The following CDK13 variants were observed in gnomAD, a reference collection of about 807,000 sequenced individuals.
CDK13 encodes cyclin-dependent kinase 13.
A neutral mutation model predicts 137.6 loss-of-function variants in CDK13; 40 were observed. That is an observed-to-expected ratio of 0.29 (90% CI 0.23 to 0.38). The LOEUF (loss-of-function observed/expected upper bound fraction) is 0.38. Ranked by LOEUF, CDK13 falls within the 10% of genes least tolerant of loss-of-function variation. The probability of loss-of-function intolerance (pLI) is 1.00; values close to 1 mark genes in which losing one functional copy is unlikely to be tolerated. For synonymous variants in CDK13, 869 were observed against 760.1 expected, an observed-to-expected ratio of 1.14 and a Z score of -2.36; for missense variants, 1,704 against 1,951.8, an observed-to-expected ratio of 0.87 and a Z score of 2.39.
rs1308923223 is a variant in CDK13, at chr7:40,097,659, AAAG to A, written c.*2685_*2687del. On this transcript the variant is annotated 3_prime_UTR_variant, in exon 14 of 14. Transcript: ENST00000181839. ...AAAATATAAAAGATTTGACCTGCCAAAAGAAGAAAGTATTTATCTTCTCCCACG... is the reference window on the plus strand; with the variant it reads ...AAAATATAAAAGATTTGACCTGCCAAAAGAAAGTATTTATCTTCTCCCACG... The A allele has an allele frequency of 2.0e-5, 3 of 152,158 alleles. No homozygotes were observed. The highest frequency in any genetic ancestry group is 4.4e-5 in the Non-Finnish European group (3 of 67,986). The allele number at this position is 152,158 out of a possible 1,614,324, so 9.4% of individuals were successfully genotyped here.
At chr7:40,080,658 C>A (rs528105940) in intron 11 of CDK13, among the ~76,000 whole-genome samples, 1 of 152,158 alleles carries the variant, frequency 6.6e-6, no homozygotes, top group South Asian at 2.1e-4. Context: ...GGGCTCAGTA[C>A]CCCTTCAAAT....
In CDK13 at chr7:39,951,128, A is replaced by G. The variant is rs1206329996; in HGVS notation, c.487A>G (p.Ser163Gly). The G allele has an allele frequency of 3.2e-6, 4 of 1,243,182 alleles. No homozygotes were observed. Among genetic ancestry groups the G allele is most frequent in the Non-Finnish European group, 4.0e-6 (4 of 995,038 alleles). The allele number at this position is 1,243,182 out of a possible 1,614,324, so 77.0% of individuals were successfully genotyped here. ...SEQGLLLGGA[S>G]AATAATAAGG... is the part of the protein sequence containing the mutation. ...GCAGGGGCTGCTGCTGGGGGGGGCC[A>G]GCGCGGCAACGGCGGCGACGGCTGC... The change falls in exon 1 of 14, where the codon AGC (serine) becomes GGC (glycine). Residue 163 changes from serine to glycine, a missense_variant. Transcript: ENST00000181839.
At chr7:39,971,632 C>CACGCCTGTAATT (rs11275367) in intron 1 of CDK13, among the ~76,000 whole-genome samples, 9 of 149,976 alleles carry the variant, frequency 6.0e-5, no homozygotes, top group East Asian at 2.0e-4. Flanking sequence ...TGTGGTGGCT[C>CACGCCTGTAATT]GCAGCACTTT....
At chr7:40,039,875 T>G (rs1785567739) in intron 5 of CDK13, among the ~76,000 whole-genome samples, 1 of 152,218 alleles carries the variant, frequency 6.6e-6, no homozygotes, top group African/African-American at 2.4e-5. Context: ...TCATATTTAT[T>G]ATTTCTTGGT....
At chr7:40,079,753 T>C (rs1232990431) in intron 11 of CDK13, among the ~76,000 whole-genome samples, 7 of 152,154 alleles carry the variant, frequency 4.6e-5, no homozygotes, top group East Asian at 3.9e-4. Flanking sequence ...AAATTTCTTA[T>C]CATTGAATGA....
At chr7:40,039,737 T>C (rs997504458) in intron 5 of CDK13, among the ~76,000 whole-genome samples, 11 of 152,086 alleles carry the variant, frequency 7.2e-5, no homozygotes, top group African/African-American at 2.7e-4. Flanking sequence ...TGGACTGTAG[T>C]TGATACTAAT....
intron 1 of CDK13, among the ~76,000 whole-genome samples, chr7:39,960,712 T>C (rs926296055): frequency 2.6e-5 from 4 of 152,060 alleles, no homozygotes; most frequent in Admixed American, 2.6e-4. Flanking sequence ...GTAGCTGGAA[T>C]TACAGGCGCC....
intron 6 of CDK13, 136 bp downstream of exon 6, chr7:40,046,161 T>C: frequency 3.5e-6 from 2 of 571,516 alleles, no homozygotes; most frequent in South Asian, 4.9e-5. Context: ...AGGTACAGTG[T>C]CCAACGTTTG....
Position 39,954,897 on chromosome 7 carries a change from C to G in CDK13, c.1211+3045C>G, listed in dbSNP as rs373181253. ...TCAGCCTCCCAAAGTCCAGGGATTA[C>G]AGGTGTGAGCCACCACATCCAGCCT... On this transcript the variant is annotated intron_variant, in intron 1 of 13. Coordinates refer to ENST00000181839, the MANE Select transcript of CDK13 (RefSeq NM_003718.5). Among the ~76,000 whole-genome samples, 59 of 152,306 alleles carry G rather than the reference C, an allele frequency of 3.9e-4. 1 individual carries two copies. The South Asian group carries it at 0.012, about 30-fold the overall frequency.
intron 1 of CDK13, chr7:39,984,996 T>C (rs1784306420): frequency 7.4e-6 from 1 of 135,890 alleles, no homozygotes; most frequent in Non-Finnish European, 1.5e-5. Flanking sequence ...AGACTCTGAC[T>C]AAAAACAAAA....
rs1208800184 is a variant in CDK13, at chr7:39,987,822, G to T, written c.1435G>T (p.Ala479Ser). The stretch of plus-strand genomic sequence containing the variant: ...AGCGAAAGCTGCAGAAGCAACTAAG[G>T]CTGCTGAGGCTGCTGCCAAGGCTGC... ...EAAKAAEATK[A>S]AEAAAKAAKA... The change falls in exon 2 of 14, where the codon GCT becomes TCT. Residue 479 changes from alanine (A) to serine (S), a missense_variant. Around this residue, in one of 5 missense-constraint regions of CDK13, gnomAD observed 1,051 missense variants for 931.0 expected, o/e 1.13. Coordinates refer to ENST00000181839, the MANE Select transcript of CDK13 (RefSeq NM_003718.5). 1 of 1,614,052 alleles carries T rather than the reference G, an allele frequency of 6.2e-7. No individual in the cohort carries two copies. Among genetic ancestry groups the T allele is most frequent in the Non-Finnish European group, 8.5e-7 (1 of 1,179,998 alleles).
intron 7 of CDK13, among the ~76,000 whole-genome samples, chr7:40,051,752 G>A (rs975711497): frequency 1.3e-5 from 2 of 152,128 alleles, no homozygotes; most frequent in African/African-American, 4.8e-5. Flanking sequence ...AGTACTTGGG[G>A]GTCTGTGACC....
Position 39,951,356 on chromosome 7 carries a change from G to A in CDK13, c.715G>A (p.Gly239Ser), listed in dbSNP as rs2116062276. 1 of 1,496,652 alleles carries A rather than the reference G, an allele frequency of 6.7e-7. No individual in the cohort carries two copies. Among genetic ancestry groups the A allele is most frequent in the Non-Finnish European group, 8.9e-7 (1 of 1,129,536 alleles). The allele number at this position is 1,496,652 out of a possible 1,614,324, so 92.7% of individuals were successfully genotyped here. A position where few individuals can be genotyped will look rare whatever the true frequency, so the allele number is the denominator to read the frequency against. ...SKSRSRHSHS[G>S]EERAEVAKSG... ...GTCCCGCAGCCGCCACAGCCACAGC[G>A]GCGAGGAACGGGCCGAGGTCGCCAA... is the stretch of plus-strand genomic sequence containing the variant. Residue 239 changes from glycine to serine, a missense_variant, in exon 1 of 14, where the codon GGC (glycine) becomes AGC (serine). By Grantham distance (56) the Gly-to-Ser change is moderately conservative. Coordinates refer to ENST00000181839, the MANE Select transcript of CDK13 (RefSeq NM_003718.5).
rs374470130 is a variant in CDK13 at position 40,003,206 on chromosome 7, A to ACACACACT, written c.2353+1176_2353+1177insACACACTC. The stretch of plus-strand genomic sequence containing the variant: ...CACACACACACACACACACACACAC[A>ACACACACT]CTCTCTCTCTCTCTCTCTCTTACTC... On this transcript the variant is annotated intron_variant, in intron 5 of 13. Transcript: ENST00000181839. 6.3e-4 allele frequency among the ~76,000 whole-genome samples: 50 copies of ACACACACT among 79,894 alleles called. 1 individual carries two copies. Among genetic ancestry groups the ACACACACT allele is most frequent in the African/African-American group, 2.0e-3 (43 of 21,066 alleles). 52.4% of individuals were successfully genotyped at this position (79,894 alleles called of 152,430 possible).
intron 5 of CDK13, among the ~76,000 whole-genome samples, chr7:40,041,077 G>C (rs1785594886): frequency 6.6e-6 from 1 of 152,198 alleles, no homozygotes; most frequent in African/African-American, 2.4e-5. Flanking sequence ...TGTAATCCCA[G>C]CTCTTTGAGG....
intron 7 of CDK13, among the ~76,000 whole-genome samples, chr7:40,054,132 A>G (rs372719343): frequency 1.3e-5 from 2 of 152,096 alleles, no homozygotes; most frequent in African/African-American, 2.4e-5. Context: ...GCTGATGGCA[A>G]TTTTTAGAGT....
At chr7:40,054,425 A>T (rs552519696) in intron 7 of CDK13, among the ~76,000 whole-genome samples, 1 of 152,218 alleles carries the variant, frequency 6.6e-6, no homozygotes, top group East Asian at 1.9e-4. Flanking sequence ...GTTATATTAA[A>T]GTCTGATGAC....
chr7:39,953,850 G>A (rs1445146414), intron 1 of CDK13, among the ~76,000 whole-genome samples: 4 of 152,200 alleles, frequency 2.6e-5, no homozygotes, highest in African/African-American at 9.7e-5. Flanking sequence ...ACGTTAGTTA[G>A]AGGCAACCTG....
At chr7:40,057,583 T>TC (rs1786048570) in intron 7 of CDK13, among the ~76,000 whole-genome samples, 1 of 151,718 alleles carries the variant, frequency 6.6e-6, no homozygotes, top group Admixed American at 6.6e-5. Flanking sequence ...AAGGGAGGAG[T>TC]AACAGATTTT....
Sources: gnomAD v4.1 joint callset for allele counts (sites outside exome capture counted in the v4.1 genomes callset) on GRCh38, gnomAD v4.1.1 for gene constraint, gnomAD v4.1.1 regional missense constraint, MANE v1.5 for transcripts, NCBI Gene and HGNC (gene_info 2026-07-23, HGNC 2026-07-21) for gene names.